DPY19L1: variants seen among roughly 807,000 people sequenced by gnomAD.
The protein encoded by DPY19L1 is protein C-mannosyl-transferase DPY19L1.
In DPY19L1, 35 loss-of-function variants were observed where a neutral mutation model predicts 96.9. The ratio of observed to expected loss-of-function variants is 0.36; its 90% CI spans 0.28 to 0.48. The LOEUF is 0.48. Among genes scored for constraint, DPY19L1 ranks in the 20% least tolerant of loss-of-function variants. DPY19L1 has a pLI of 0.99. For synonymous variants in DPY19L1, 205 were observed against 252.6 expected (o/e 0.81, Z 1.79); for missense variants, 521 against 777.9 (o/e 0.67, Z 3.93).
chr7:34,956,672 T>A (rs1434594682), intron 11 of DPY19L1, among the ~76,000 whole-genome samples: 2 of 151,870 alleles, frequency 1.3e-5, no homozygotes, highest in Admixed American at 1.3e-4. Flanking sequence ...CCCGGCTAAT[T>A]TTTTGTATTT....
chr7:35,020,879 T>C (rs1785980354), intron 1 of DPY19L1, among the ~76,000 whole-genome samples: 1 of 152,062 alleles, frequency 6.6e-6, no homozygotes, highest in African/African-American at 2.4e-5. Context: ...TGGCTAATTT[T>C]TGTATTTTCA....
chr7:35,020,490 A>T (rs1468099795), intron 1 of DPY19L1, among the ~76,000 whole-genome samples: 1 of 152,226 alleles, frequency 6.6e-6, no homozygotes, highest in Non-Finnish European at 1.5e-5. Context: ...AAAATTCTAC[A>T]GGTATTGTTA....
At chr7:34,988,294 C>T (rs1785092692) in intron 7 of DPY19L1, 1 of 152,122 alleles carries the variant, frequency 6.6e-6, no homozygotes, top group Non-Finnish European at 1.5e-5. Flanking sequence ...ATTGTTAACA[C>T]ACAATGCTTC....
At chr7:35,037,793 C>T (rs1279096880), upstream of DPY19L1, 7 of 1,210,758 alleles carry the variant, frequency 5.8e-6, no homozygotes, top group Middle Eastern at 3.2e-4. Context: ...GGGGCCCGAC[C>T]CCTCTGGCGC....
chr7:34,988,063 G>C (rs1201970128), intron 7 of DPY19L1: 1 of 152,040 alleles, frequency 6.6e-6, no homozygotes, highest in Non-Finnish European at 1.5e-5. Flanking sequence ...TGAAAAGCCA[G>C]TTGAATAGTC....
chr7:34,947,147 T>G (rs1257248121), intron 15 of DPY19L1, among the ~76,000 whole-genome samples: 3 of 152,228 alleles, frequency 2.0e-5, no homozygotes, highest in Non-Finnish European at 4.4e-5. Flanking sequence ...GGCTTTGAAT[T>G]TTATCGTCAA....
intron 7 of DPY19L1, among the ~76,000 whole-genome samples, chr7:34,976,048 G>C (rs1195215349): frequency 6.6e-6 from 1 of 152,160 alleles, no homozygotes; most frequent in Non-Finnish European, 1.5e-5. Context: ...CATGAAGCAA[G>C]GAGTCATTTC....
Position 35,003,023 on chromosome 7 carries a change from G to A in DPY19L1, c.764+7445C>T, listed in dbSNP as rs189775008. ...CTGACCTTGTGATCCACCCACCTCG[G>A]CCTCCCAAAATGCTGGGATTACAGG... On this transcript the variant is annotated intron_variant, in intron 6 of 21. Coordinates refer to ENST00000638088, the MANE Select transcript of DPY19L1 (RefSeq NM_001366673.1). Among the ~76,000 whole-genome samples, 330 of 152,236 alleles carry A rather than the reference G, an allele frequency of 2.2e-3. 2 individuals are homozygous for A. Among genetic ancestry groups the A allele is most frequent in the African/African-American group, 7.4e-3 (309 of 41,540 alleles).
At position 35,010,479 on chromosome 7, in the gene DPY19L1, G is replaced by A. The variant is rs186407203; in HGVS notation, c.753C>T (p.Gly251=). Residue 251 remains glycine (G), a synonymous_variant, in exon 6 of 22, where the codon GGC becomes GGT. Coordinates refer to ENST00000638088, the MANE Select transcript of DPY19L1 (RefSeq NM_001366673.1). ...TAAAATATTCTTACCTTAAATATGT[G>A]CCATATATGAAGAATAATGCCATCA... ...GLMMALFFIY[G]TYLSGSRLGG... The A allele has an allele frequency of 3.5e-4, 545 of 1,567,320 alleles. 1 individual carries two copies. In the African/African-American group the frequency reaches 7.0e-3, roughly 20 times the overall value.
At chr7:34,948,489 T>C (rs1584209117) in intron 14 of DPY19L1, among the ~76,000 whole-genome samples, 1 of 152,240 alleles carries the variant, frequency 6.6e-6, no homozygotes, top group African/African-American at 2.4e-5. Context: ...TACAGCACAG[T>C]CCCTATGAAT....
chr7:35,021,279 G>A (rs531253310), intron 1 of DPY19L1, among the ~76,000 whole-genome samples: 1 of 152,230 alleles, frequency 6.6e-6, no homozygotes, highest in Admixed American at 6.5e-5. Flanking sequence ...CAATTCTGGA[G>A]TGCTAACTAG....
chr7:35,011,511 A>G, intron 4 of DPY19L1, 61 bp from the exon 5 acceptor site: 1 of 1,459,346 alleles, frequency 6.9e-7, no homozygotes, highest in South Asian at 1.3e-5. Flanking sequence ...CATTACTAGA[A>G]TACTTTTGAG....
At chr7:34,986,774 C>T (rs1195527356) in intron 7 of DPY19L1, among the ~76,000 whole-genome samples, 3 of 151,964 alleles carry the variant, frequency 2.0e-5, no homozygotes, top group African/African-American at 7.2e-5. Context: ...CAAGGCAATC[C>T]TTTCATTCAC....
chr7:34,949,166 TTTTA>T (rs1385050558), intron 14 of DPY19L1, among the ~76,000 whole-genome samples: 9 of 152,174 alleles, frequency 5.9e-5, no homozygotes, highest in East Asian at 1.9e-4. Flanking sequence ...CAAATTAATA[TTTTA>T]TTTATTTAAA....
chr7:34,972,792 A>C (rs986831182), intron 8 of DPY19L1, among the ~76,000 whole-genome samples: 5 of 152,332 alleles, frequency 3.3e-5, no homozygotes, highest in African/African-American at 1.2e-4. Flanking sequence ...CACAGACTTT[A>C]AAAAGCTAAT....
rs1383152701 is a variant in DPY19L1, at chr7:35,024,778, A to G, written c.299-6182T>C. ...TATTGCTTATCCAGCTATCCTAGCT[A>G]TAATACCACGATTACAGCACCTAAA... On this transcript the variant is annotated intron_variant, in intron 1 of 21. Coordinates refer to ENST00000638088, the MANE Select transcript of DPY19L1 (RefSeq NM_001366673.1). Among the ~76,000 whole-genome samples, 4 of 152,352 alleles carry G rather than the reference A, an allele frequency of 2.6e-5. No homozygotes were observed. In the South Asian group the frequency reaches 8.3e-4, roughly 32 times the overall value.
intron 21 of DPY19L1, among the ~76,000 whole-genome samples, chr7:34,933,535 T>C (rs947272182): frequency 6.6e-5 from 10 of 152,192 alleles, no homozygotes; most frequent in Non-Finnish European, 1.5e-4. Flanking sequence ...TGTGAGGGTG[T>C]TGCCAAGGGA....
At chr7:35,033,682 C>G (rs571021535) in intron 1 of DPY19L1, among the ~76,000 whole-genome samples, 1 of 152,292 alleles carries the variant, frequency 6.6e-6, no homozygotes, top group South Asian at 2.1e-4. Context: ...TTGCTCCCCC[C>G]ATCTAGTCCC....
intron 1 of DPY19L1, among the ~76,000 whole-genome samples, chr7:35,029,802 T>C (rs999393415): frequency 2.0e-5 from 3 of 152,172 alleles, no homozygotes; most frequent in African/African-American, 7.2e-5. Flanking sequence ...ATGGGACACA[T>C]GAGGTCAACT....
Sources: allele counts gnomAD v4.1 joint callset (sites outside exome capture counted in the v4.1 genomes callset), GRCh38; gene constraint gnomAD v4.1.1; transcripts MANE v1.5; gene names NCBI Gene and HGNC (gene_info 2026-07-23, HGNC 2026-07-21).